The following R3HDM4 variants were observed in gnomAD, a reference collection of about 807,000 sequenced individuals.
R3HDM4 encodes the protein R3H domain containing 4, also known as R3H domain-containing protein 4.
A neutral mutation model predicts 31.3 loss-of-function variants in R3HDM4; 30 were observed. That is an observed-to-expected ratio of 0.96 (90% CI 0.72 to 1.30). The LOEUF (loss-of-function observed/expected upper bound fraction) is 1.30. Among genes scored for constraint, R3HDM4 ranks in the 50% most tolerant of loss-of-function variants. R3HDM4 has a pLI of 0.00. For synonymous variants in R3HDM4, 196 were observed against 156.6 expected (o/e 1.25, Z -1.88); for missense variants, 444 against 366.1 (o/e 1.21, Z -1.74).
intron 1 of R3HDM4, among the ~76,000 whole-genome samples, chr19:908,518 G>C (rs1260721588): frequency 6.6e-6 from 1 of 152,062 alleles, no homozygotes; most frequent in Non-Finnish European, 1.5e-5. Context: ...GCTGAGGCAG[G>C]AGAATCACTT....
Position 899,405 on chromosome 19 carries a change from G to A in R3HDM4, c.703+35C>T, listed in dbSNP as rs1237899327. The A allele has an allele frequency of 6.2e-7, 1 of 1,609,176 alleles. No homozygotes were observed. The highest frequency in any genetic ancestry group is 2.2e-5 in the East Asian group (1 of 44,866). On this transcript the variant is annotated intron_variant, in intron 7 of 7. Transcript: ENST00000361574. The surrounding 1 kb of genome is among the most constrained non-coding windows in gnomAD (Gnocchi z 6.8). ...CTGGCCACTTTCCCAGGTTGAGCTG[G>A]CCAACTTGGGGTCTTGGGGGCCACC...
At chr19:903,467 G>C (rs951791964) in intron 1 of R3HDM4, among the ~76,000 whole-genome samples, 1 of 152,058 alleles carries the variant, frequency 6.6e-6, no homozygotes, top group African/African-American at 2.4e-5. Context: ...GGGGGTAAGC[G>C]CGCACCGCAG....
At chr19:911,232 T>G (rs2036968130) in intron 1 of R3HDM4, among the ~76,000 whole-genome samples, 1 of 152,054 alleles carries the variant, frequency 6.6e-6, no homozygotes, top group South Asian at 2.1e-4. Context: ...GATCGTGAGG[T>G]CAGGAAATCA....
intron 1 of R3HDM4, among the ~76,000 whole-genome samples, chr19:912,351 T>G (rs1448951646): frequency 1.0e-2 from 25 of 2,510 alleles, no homozygotes; most frequent in African/African-American, 0.014. Context: ...GACAGAGGAG[T>G]TGGGGGGCGG....
intron 1 of R3HDM4, among the ~76,000 whole-genome samples, chr19:903,382 C>T (rs996525752): frequency 3.9e-5 from 6 of 152,172 alleles, no homozygotes; most frequent in Admixed American, 2.0e-4. Flanking sequence ...GGCCTCCCAC[C>T]GAGAATCCAA....
At chr19:908,268 G>A (rs908354989) in intron 1 of R3HDM4, among the ~76,000 whole-genome samples, 3 of 151,886 alleles carry the variant, frequency 2.0e-5, no homozygotes, top group South Asian at 2.1e-4. Context: ...GGGAGTCACC[G>A]ACACTCCTCT....
chr19:911,221 A>G (rs2036968034), intron 1 of R3HDM4, among the ~76,000 whole-genome samples: 1 of 152,210 alleles, frequency 6.6e-6, no homozygotes, highest in South Asian at 2.1e-4. Flanking sequence ...CGAGGCAAGC[A>G]GATCGTGAGG....
In R3HDM4 at chr19:899,717, T is replaced by G; in HGVS notation, c.562-31A>C. The G allele has an allele frequency of 6.6e-7, 1 of 1,508,790 alleles. No homozygotes were observed. 93.5% of individuals were successfully genotyped at this position (1,508,790 alleles called of 1,614,324 possible). On this transcript the variant is annotated intron_variant, in intron 5 of 7. Coordinates refer to ENST00000361574, the MANE Select transcript of R3HDM4 (RefSeq NM_138774.4). The surrounding 1 kb of genome is among the most constrained non-coding windows in gnomAD (Gnocchi z 6.8). Reference sequence around the variant, plus strand: ...GAGAGCGGCCCGGTGGTCAGGGAACTGCGGGACCTGTGGGTGGGGGGCCAG... The same window carrying G: ...GAGAGCGGCCCGGTGGTCAGGGAACGGCGGGACCTGTGGGTGGGGGGCCAG...
intron 1 of R3HDM4, among the ~76,000 whole-genome samples, chr19:904,806 G>T (rs1369425797): frequency 6.6e-6 from 1 of 151,936 alleles, no homozygotes; most frequent in African/African-American, 2.4e-5. Flanking sequence ...AGTCAAGGGG[G>T]TCAGAAATGA....
At chr19:912,898 G>A (rs1041593860) in intron 1 of R3HDM4, among the ~76,000 whole-genome samples, 189 bp downstream of exon 1, 2 of 151,792 alleles carry the variant, frequency 1.3e-5, no homozygotes, top group African/African-American at 2.4e-5. Flanking sequence ...CCAGCCTGGG[G>A]GTCCACAGCG....
chr19:910,847 C>T lies in R3HDM4; in HGVS notation c.71+2240G>A, dbSNP rs370593697. On this transcript the variant is annotated intron_variant, in intron 1 of 7. Transcript: ENST00000361574. ...CATTTAAAAATAATACTAGCCGGCG[C>T]GGTGGCTCACGCCTGTAATCCCAGC... Among the ~76,000 whole-genome samples, 33 of 151,156 alleles carry T rather than the reference C, an allele frequency of 2.2e-4. No homozygotes were observed. The South Asian group carries it at 3.6e-3, about 16-fold the overall frequency.
Position 897,282 on chromosome 19 carries a change from G to A in R3HDM4, c.*155C>T. ...GCCGCCAGCGTCTGTTGACTGCCAA[G>A]AGCTGCGTGAGGAGGGGGCAGAGTG... On this transcript the variant is annotated 3_prime_UTR_variant, in exon 8 of 8. Coordinates refer to ENST00000361574, the MANE Select transcript of R3HDM4 (RefSeq NM_138774.4). 1.7e-6 allele frequency: 1 copy of A among 590,620 alleles called. No homozygotes were observed. Among genetic ancestry groups the A allele is most frequent in the Non-Finnish European group, 2.9e-6 (1 of 340,610 alleles). 36.6% of individuals were successfully genotyped at this position (590,620 alleles called of 1,614,324 possible).
chr19:901,983 C>T lies in R3HDM4; in HGVS notation c.219G>A (p.Leu73=), dbSNP rs1206600177. The T allele has an allele frequency of 6.2e-7, 1 of 1,613,600 alleles. No homozygotes were observed. Among genetic ancestry groups the T allele is most frequent in the Non-Finnish European group, 8.5e-7 (1 of 1,180,014 alleles). The part of the protein sequence containing the change: ...KAKGRKSLQR[L]ENTQYLLTLL... ...CTCCCGACCCCTGCTCACTGTTCTCCAGGCGCTGGAGGCTCTTCCGCCCCT... is the reference window on the plus strand; with the variant it reads ...CTCCCGACCCCTGCTCACTGTTCTCTAGGCGCTGGAGGCTCTTCCGCCCCT... The change falls in exon 2 of 8, where the codon CTG becomes CTA. Residue 73 remains leucine (L), a synonymous_variant. Coordinates refer to ENST00000361574, the MANE Select transcript of R3HDM4 (RefSeq NM_138774.4).
chr19:900,015 A>T, intron 5 of R3HDM4, 46 bp downstream of exon 5: 1 of 1,580,620 alleles, frequency 6.3e-7, no homozygotes, highest in Non-Finnish European at 8.7e-7. Context: ...GCCTTCAAAA[A>T]AGACCAGGCA....
intron 1 of R3HDM4, among the ~76,000 whole-genome samples, chr19:906,702 C>A (rs2036909634): frequency 6.6e-6 from 1 of 152,144 alleles, no homozygotes; most frequent in African/African-American, 2.4e-5. Flanking sequence ...TCGTAAGTGT[C>A]GCTGGACTGA....
intron 1 of R3HDM4, among the ~76,000 whole-genome samples, chr19:905,716 G>A (rs2036895512): frequency 6.6e-6 from 1 of 151,350 alleles, no homozygotes; most frequent in Non-Finnish European, 1.5e-5. Context: ...AGCAAGGTGA[G>A]GAGACCCAGG....
At chr19:901,310 G>T in intron 3 of R3HDM4, 112 bp downstream of exon 3, 1 of 1,203,450 alleles carries the variant, frequency 8.3e-7, no homozygotes, top group Non-Finnish European at 1.2e-6. Context: ...TTCATTAGGA[G>T]ATCAGAAGTG....
chr19:901,845 A>G, intron 2 of R3HDM4, 131 bp downstream of exon 2: 9 of 1,177,658 alleles, frequency 7.6e-6, no homozygotes, highest in Non-Finnish European at 7.2e-6. Flanking sequence ...CCCGGCCTAC[A>G]GCTGACACCT....
chr19:904,550 C>G (rs2930889), intron 1 of R3HDM4, among the ~76,000 whole-genome samples: 51,167 of 151,858 alleles, frequency 0.34, 10,486 homozygotes, highest in African/African-American at 0.57. Flanking sequence ...TCACTCGAGG[C>G]AAGCTGGGCG....
Sources: gnomAD v4.1 joint callset for allele counts (sites outside exome capture counted in the v4.1 genomes callset) on GRCh38, gnomAD v4.1.1 for gene constraint, Gnocchi (gnomAD v3.1) non-coding constraint, MANE v1.5 for transcripts, NCBI Gene and HGNC (gene_info 2026-07-23, HGNC 2026-07-21) for gene names.